The following BFSP1 variants were observed in gnomAD, a reference collection of about 807,000 sequenced individuals.
BFSP1 encodes the protein filensin.
A neutral mutation model predicts 43.9 loss-of-function variants in BFSP1; 38 were observed. That is an observed-to-expected ratio of 0.87 (90% CI 0.67 to 1.14). The LOEUF (loss-of-function observed/expected upper bound fraction) is 1.14. BFSP1 is among the 50% of genes most tolerant of loss of function. The pLI is 0.00. For synonymous variants in BFSP1, 352 were observed against 354.8 expected, an observed-to-expected ratio of 0.99 and a Z score of 0.09; for missense variants, 850 against 875.1, an observed-to-expected ratio of 0.97 and a Z score of 0.36.
intron 1 of BFSP1, among the ~76,000 whole-genome samples, chr20:17,553,862 CAT>C (rs376937575): frequency 3.2e-5 from 3 of 92,770 alleles, no homozygotes; most frequent in Non-Finnish European, 6.3e-5. Flanking sequence ...TATATATACA[CAT>C]ATATATACAT....
At chr20:17,558,289 T>C (rs1467393017) in intron 1 of BFSP1, among the ~76,000 whole-genome samples, 1 of 152,142 alleles carries the variant, frequency 6.6e-6, no homozygotes, top group African/African-American at 2.4e-5. Flanking sequence ...CCATTTAAAA[T>C]GGCTTCCTGA....
At chr20:17,543,743 A>AGTTGTACC (rs558997862) in intron 1 of BFSP1, among the ~76,000 whole-genome samples, 219 of 152,336 alleles carry the variant, frequency 1.4e-3, no homozygotes, top group Admixed American at 3.5e-3. Context: ...AAGATATGCG[A>AGTTGTACC]AGCAACTTGA....
intron 1 of BFSP1, among the ~76,000 whole-genome samples, chr20:17,543,559 C>G (rs1469855429): frequency 6.6e-6 from 1 of 151,656 alleles, no homozygotes; most frequent in Non-Finnish European, 1.5e-5. Flanking sequence ...CTTCATGTGG[C>G]TAGAAAAAAA....
In BFSP1 at chr20:17,509,021, A is replaced by G. The variant is rs1045405765; in HGVS notation, c.628-25T>C. ...CCTGCACAGAGAAGGCCAGAGTCAGACTCATGGGACATGCAGAGAGGAAAA... is the reference window on the plus strand; with the variant it reads ...CCTGCACAGAGAAGGCCAGAGTCAGGCTCATGGGACATGCAGAGAGGAAAA... On this transcript the variant is annotated intron_variant, in intron 4 of 7. Transcript: ENST00000377873. 3.3e-6 allele frequency: 5 copies of G among 1,508,886 alleles called. No individual in the cohort carries two copies. In the African/African-American group the frequency reaches 7.0e-5, roughly 21 times the overall value. The allele number at this position is 1,508,886 out of a possible 1,614,324, so 93.5% of individuals were successfully genotyped here.
chr20:17,494,069 G>C lies in BFSP1; in HGVS notation c.*5C>G. The C allele has an allele frequency of 6.2e-7, 1 of 1,606,166 alleles. No individual in the cohort carries two copies. The highest frequency in any genetic ancestry group is 8.5e-7 in the Non-Finnish European group (1 of 1,175,238). The stretch of plus-strand genomic sequence containing the variant: ...ATACATTTTATCCCATCAAGCCTGG[G>C]CATTTTAAGAGCTCTTCTCTCCTGA... On this transcript the variant is annotated 3_prime_UTR_variant, in exon 8 of 8. Coordinates refer to ENST00000377873, the MANE Select transcript of BFSP1 (RefSeq NM_001195.5).
chr20:17,558,734 A>T, exon 1 of BFSP1: 1 of 1,551,508 alleles, frequency 6.4e-7, no homozygotes. Flanking sequence ...TTGAAAATCC[A>T]TTCAGCTCAC....
At chr20:17,565,261 T>C (rs893396146) in intron 1 of BFSP1, among the ~76,000 whole-genome samples, 25 of 152,230 alleles carry the variant, frequency 1.6e-4, no homozygotes, top group Admixed American at 1.1e-3. Flanking sequence ...TATAAATTGG[T>C]ATATCCTTTT....
In BFSP1 at chr20:17,514,730, C is replaced by T; in HGVS notation, c.525G>A (p.Arg175=). The T allele has an allele frequency of 1.2e-6, 2 of 1,613,934 alleles. No individual in the cohort carries two copies. Among genetic ancestry groups the T allele is most frequent in the Non-Finnish European group, 1.7e-6 (2 of 1,179,862 alleles). The change falls in exon 3 of 8, where the codon AGG becomes AGA. Residue 175 remains arginine (R), a synonymous_variant. Coordinates refer to ENST00000377873, the MANE Select transcript of BFSP1 (RefSeq NM_001195.5). The part of the protein sequence containing the change: ...LQDDISAAKD[R]HKKNLLEVQT... Reference sequence around the variant, plus strand: ...AAGGGGTCATGATTACCTTCTTGTGCCTGTCCTTTGCCGCACTGATATCAT... The same window carrying T: ...AAGGGGTCATGATTACCTTCTTGTGTCTGTCCTTTGCCGCACTGATATCAT...
At chr20:17,540,631 C>A (rs1334225513) in intron 1 of BFSP1, among the ~76,000 whole-genome samples, 1 of 152,108 alleles carries the variant, frequency 6.6e-6, no homozygotes, top group Non-Finnish European at 1.5e-5. Context: ...CTGAGGATCT[C>A]CCCAGGTGCC....
At chr20:17,540,250 C>T (rs1049887033) in intron 1 of BFSP1, among the ~76,000 whole-genome samples, 11 of 152,112 alleles carry the variant, frequency 7.2e-5, no homozygotes, top group Admixed American at 7.2e-4. Context: ...CACCTGCCTG[C>T]TCATGATCAA....
chr20:17,515,839 A>G (rs1371237804), intron 2 of BFSP1, among the ~76,000 whole-genome samples: 1 of 152,200 alleles, frequency 6.6e-6, no homozygotes, highest in East Asian at 1.9e-4. Flanking sequence ...AAACATAATG[A>G]GTCTTAGCAA....
chr20:17,547,157 A>C (rs948466544), intron 1 of BFSP1, among the ~76,000 whole-genome samples: 2 of 152,012 alleles, frequency 1.3e-5, no homozygotes, highest in South Asian at 4.1e-4. Flanking sequence ...CAACATGGTA[A>C]GACTTTGTCT....
At chr20:17,554,044 T>C (rs1411400454) in intron 1 of BFSP1, among the ~76,000 whole-genome samples, 1 of 151,144 alleles carries the variant, frequency 6.6e-6, no homozygotes, top group Non-Finnish European at 1.5e-5. Flanking sequence ...CCCCCAAATT[T>C]AAAATCTACA....
chr20:17,532,442 TTTTTTC>T (rs1189180692), upstream of BFSP1, among the ~76,000 whole-genome samples: 2 of 149,978 alleles, frequency 1.3e-5, no homozygotes, highest in Non-Finnish European at 2.9e-5. Context: ...AAAAGATTGC[TTTTTTC>T]TTTTTCTTTT....
At chr20:17,504,844 C>A (rs1317804681) in intron 5 of BFSP1, among the ~76,000 whole-genome samples, 1 of 152,092 alleles carries the variant, frequency 6.6e-6, no homozygotes, top group Non-Finnish European at 1.5e-5. Flanking sequence ...GACGCGAGCC[C>A]CATCTGGAGG....
intron 1 of BFSP1, among the ~76,000 whole-genome samples, chr20:17,548,503 G>A (rs918701686): frequency 1.3e-5 from 2 of 152,148 alleles, no homozygotes; most frequent in Non-Finnish European, 2.9e-5. Flanking sequence ...GCAAATACCT[G>A]TATGAATTGG....
rs145703098 is a variant in BFSP1 at position 17,494,297 on chromosome 20, G to A, written c.1775C>T (p.Ala592Val). Residue 592 changes from alanine (A) to valine (V), a missense_variant, in exon 8 of 8, where the codon GCG (alanine) becomes GTG (valine). By Grantham distance (64) the Ala-to-Val change is moderately conservative. Coordinates refer to ENST00000377873, the MANE Select transcript of BFSP1 (RefSeq NM_001195.5). ...EPSIPEPPKP[A>V]ADQDGAEVLG... ...CACCTCAGCTCCATCCTGATCAGCC[G>A]CAGGCTTTGGAGGCTCAGGTATAGA... The A allele has an allele frequency of 6.8e-4, 1,100 of 1,614,148 alleles. 3 individuals carry two copies. The highest frequency in any genetic ancestry group is 4.6e-3 in the Middle Eastern group (28 of 6,062).
chr20:17,501,351 G>A (rs1053314656), intron 5 of BFSP1, among the ~76,000 whole-genome samples: 2 of 152,176 alleles, frequency 1.3e-5, no homozygotes, highest in African/African-American at 2.4e-5. Flanking sequence ...GATCACTTGA[G>A]GTCAGGAGTT....
At chr20:17,515,833 A>C (rs2034188026) in intron 2 of BFSP1, among the ~76,000 whole-genome samples, 1 of 152,250 alleles carries the variant, frequency 6.6e-6, no homozygotes, top group Non-Finnish European at 1.5e-5. Context: ...GCTAATAAAC[A>C]TAATGAGTCT....
Sources: gnomAD v4.1 joint callset for allele counts (sites outside exome capture counted in the v4.1 genomes callset) on GRCh38, gnomAD v4.1.1 for gene constraint, MANE v1.5 for transcripts, NCBI Gene and HGNC (gene_info 2026-07-23, HGNC 2026-07-21) for gene names.